The following PCDH11X variants were observed in gnomAD, a reference collection of about 807,000 sequenced individuals.
The protein encoded by PCDH11X is protocadherin-11 X-linked.
PCDH11X carries 18 observed loss-of-function variants against 53.3 expected under a neutral mutation model. That is an observed-to-expected ratio of 0.34 (90% CI 0.23 to 0.50). The LOEUF (loss-of-function observed/expected upper bound fraction) is 0.50, where lower values mean the gene tolerates loss of function less well. PCDH11X is among the 20% of genes least tolerant of loss of function. PCDH11X has a pLI of 0.98. For synonymous variants in PCDH11X, 279 were observed against 393.3 expected, an observed-to-expected ratio of 0.71 and a Z score of 3.44; for missense variants, 570 against 1,032.4, an observed-to-expected ratio of 0.55 and a Z score of 6.14.
At chrX:92,038,807 G>T (rs1255083416) in intron 6 of PCDH11X, among the ~76,000 whole-genome samples, 1 of 107,906 alleles carries the variant, frequency 9.3e-6, no homozygotes, top group Non-Finnish European at 1.9e-5. Context: ...AGTCTCAGGA[G>T]ATCTGATGGT....
At chrX:91,836,225 GAA>G (rs1314679415) in intron 5 of PCDH11X, among the ~76,000 whole-genome samples, 181 bp downstream of exon 5, 4 of 110,180 alleles carry the variant, frequency 3.6e-5, no homozygotes, top group Non-Finnish European at 5.7e-5. Context: ...GGTGGATTAT[GAA>G]TTTTCATGGT....
chrX:92,066,721 C>A (rs1421920346), intron 6 of PCDH11X, among the ~76,000 whole-genome samples: 1 of 112,262 alleles, frequency 8.9e-6, no homozygotes, highest in Non-Finnish European at 1.9e-5. Context: ...TTTATCAGTT[C>A]TAATTGTTAT....
At chrX:92,124,887 T>C (rs1423869117) in intron 6 of PCDH11X, among the ~76,000 whole-genome samples, 2 of 111,140 alleles carry the variant, frequency 1.8e-5, no homozygotes, top group Admixed American at 1.9e-4. Flanking sequence ...TCCTACTAAA[T>C]TGTGAGCTCC....
intron 8 of PCDH11X, among the ~76,000 whole-genome samples, chrX:92,344,035 T>C (rs1015268431): frequency 3.6e-5 from 4 of 110,115 alleles, no homozygotes; most frequent in African/African-American, 6.6e-5. Flanking sequence ...CTATATATAG[T>C]AGGAACTCAG....
intron 6 of PCDH11X, among the ~76,000 whole-genome samples, chrX:92,013,426 AG>A (rs1017096569): frequency 8.9e-6 from 1 of 111,905 alleles, no homozygotes; most frequent in Admixed American, 9.5e-5. Context: ...ATGGGTAGGA[AG>A]AATCAATATC....
intron 5 of PCDH11X, among the ~76,000 whole-genome samples, chrX:91,875,477 G>A (rs1939556713): frequency 9.4e-6 from 1 of 106,232 alleles, no homozygotes; most frequent in African/African-American, 3.4e-5. Context: ...TTTTTAAGTA[G>A]AGACGGGGTT....
chrX:92,172,343 A>G (rs1463718397), intron 6 of PCDH11X, among the ~76,000 whole-genome samples: 1 of 108,416 alleles, frequency 9.2e-6, no homozygotes, highest in East Asian at 2.9e-4. Flanking sequence ...TTTTATCACC[A>G]AAGTTTTTTG....
intron 6 of PCDH11X, among the ~76,000 whole-genome samples, chrX:91,898,663 A>G (rs1940840582): frequency 1.0e-5 from 1 of 97,561 alleles, no homozygotes; most frequent in African/African-American, 3.8e-5. Context: ...TAATAGAATC[A>G]GGTGATGAGT....
In PCDH11X at chrX:92,619,149, G is replaced by A. The variant is rs1928303509; in HGVS notation, c.*209G>A. ...TCAGAATGTGTATTTAAAAAGAAAAGGAATTTAACAATTTGCATCCCCTTG... is the reference window on the plus strand; with the variant it reads ...TCAGAATGTGTATTTAAAAAGAAAAAGAATTTAACAATTTGCATCCCCTTG... On this transcript the variant is annotated 3_prime_UTR_variant, in exon 11 of 11. Coordinates refer to ENST00000682573, the MANE Select transcript of PCDH11X (RefSeq NM_032968.5). 17 of 454,600 alleles carry A rather than the reference G, an allele frequency of 3.7e-5. No individual in the cohort carries two copies. The highest frequency in any genetic ancestry group is 5.2e-5 in the Non-Finnish European group (14 of 268,404). The allele number at this position is 454,600 out of a possible 1,213,427, so 37.5% of individuals were successfully genotyped here.
intron 8 of PCDH11X, among the ~76,000 whole-genome samples, chrX:92,283,634 G>A (rs766882465): frequency 1.8e-5 from 2 of 111,329 alleles, no homozygotes; most frequent in African/African-American, 6.5e-5. Context: ...TAACACCAAG[G>A]GATTAGCACT....
chrX:91,944,828 G>A (rs1034744613), intron 6 of PCDH11X, among the ~76,000 whole-genome samples: 6 of 106,362 alleles, frequency 5.6e-5, no homozygotes, highest in Non-Finnish European at 1.2e-4. Flanking sequence ...TATTTTAAAG[G>A]CATTTCATAC....
chrX:92,137,704 C>G, intron 6 of PCDH11X, among the ~76,000 whole-genome samples: 1 of 109,841 alleles, frequency 9.1e-6, no homozygotes, highest in East Asian at 2.9e-4. Context: ...TACCATTCTA[C>G]CCACCTGTCA....
chrX:92,076,934 C>T (rs1023393092), intron 6 of PCDH11X, among the ~76,000 whole-genome samples: 3 of 111,950 alleles, frequency 2.7e-5, no homozygotes, highest in Non-Finnish European at 5.6e-5. Flanking sequence ...GAAGAATGTA[C>T]TTATTTGATA....
At chrX:92,388,364 T>A (rs970607895) in intron 9 of PCDH11X, among the ~76,000 whole-genome samples, 5 of 108,693 alleles carry the variant, frequency 4.6e-5, no homozygotes, top group African/African-American at 1.7e-4. Flanking sequence ...AAATAAGAGA[T>A]CCTGACTCCA....
intron 8 of PCDH11X, among the ~76,000 whole-genome samples, chrX:92,319,995 G>A (rs1213321857): frequency 1.8e-5 from 2 of 110,500 alleles, no homozygotes; most frequent in Admixed American, 1.9e-4. Flanking sequence ...TCTAATCAAT[G>A]TTCATGTATG....
At position 92,492,628 on chromosome X, in the gene PCDH11X, C is replaced by T. The variant is rs959694331; in HGVS notation, c.3367+24306C>T. Among the ~76,000 whole-genome samples, 10 of 109,335 alleles carry T rather than the reference C, an allele frequency of 9.1e-5. No homozygotes were observed. In the Admixed American group the frequency reaches 9.9e-4, roughly 11 times the overall value. The allele number at this position is 109,335 out of a possible 115,157, so 94.9% of individuals were successfully genotyped here. A position where few individuals can be genotyped will look rare whatever the true frequency, so the allele number is the denominator to read the frequency against. The stretch of plus-strand genomic sequence containing the variant: ...GAAATTGAGGTAGCAAAATTCTCCC[C>T]CAGCTGGGTGCACAATTGTGGGAAA... On this transcript the variant is annotated intron_variant, in intron 10 of 10. Transcript: ENST00000682573.
chrX:92,284,034 A>T lies in PCDH11X; in HGVS notation c.3144+20891A>T, dbSNP rs2068305710. 2.8e-5 allele frequency among the ~76,000 whole-genome samples: 3 copies of T among 108,311 alleles called. No homozygotes were observed. The South Asian group carries it at 1.2e-3, about 44-fold the overall frequency. The allele number at this position is 108,311 out of a possible 115,157, so 94.1% of individuals were successfully genotyped here. A position where few individuals can be genotyped will look rare whatever the true frequency, so the allele number is the denominator to read the frequency against. On this transcript the variant is annotated intron_variant, in intron 8 of 10. Coordinates refer to ENST00000682573, the MANE Select transcript of PCDH11X (RefSeq NM_032968.5). ...CAGATTTTATACAATTACAAACTGA[A>T]CTTTCCTTATAAACTGATTGTTATA... is the stretch of plus-strand genomic sequence containing the variant.
chrX:92,020,083 G>A (rs2525137), intron 6 of PCDH11X, among the ~76,000 whole-genome samples: 24 of 112,409 alleles, frequency 2.1e-4, no homozygotes, highest in South Asian at 3.7e-4. Context: ...GATTCCACTC[G>A]TGAGCCCATG....
At chrX:92,535,120 C>T (rs147600320) in intron 10 of PCDH11X, among the ~76,000 whole-genome samples, 1,557 of 112,051 alleles carry the variant, frequency 0.014, 23 homozygotes, top group African/African-American at 0.048. Flanking sequence ...GTGGTGATTC[C>T]TCAAAGAGCT....
Sources: allele counts gnomAD v4.1 joint callset (sites outside exome capture counted in the v4.1 genomes callset), GRCh38; gene constraint gnomAD v4.1.1; transcripts MANE v1.5; gene names NCBI Gene and HGNC (gene_info 2026-07-23, HGNC 2026-07-21).